The following SPATA33 variants were observed in gnomAD, a reference collection of about 807,000 sequenced individuals.
SPATA33 encodes the protein spermatogenesis-associated protein 33.
In SPATA33, 10 loss-of-function variants were observed where a neutral mutation model predicts 8.9. That is an observed-to-expected ratio of 1.12 (90% CI 0.69 to 1.90). The LOEUF (loss-of-function observed/expected upper bound fraction) is 1.90. Ranked by LOEUF, SPATA33 falls within the 40% of genes most tolerant of loss-of-function variation. SPATA33 has a pLI of 0.00. For missense variants in SPATA33, 241 were observed against 178.3 expected, an observed-to-expected ratio of 1.35 and a Z score of -2.00; for synonymous variants, 96 against 72.8, an observed-to-expected ratio of 1.32 and a Z score of -1.63.
intron 2 of SPATA33, chr16:89,660,890 C>G: frequency 9.3e-7 from 1 of 1,072,656 alleles, no homozygotes; most frequent in African/African-American, 1.7e-5. Flanking sequence ...TTTAGTGATT[C>G]CAGGCTCTGG....
intron 2 of SPATA33, among the ~76,000 whole-genome samples, chr16:89,663,807 A>G (rs1411805285): frequency 2.0e-5 from 3 of 152,128 alleles, no homozygotes; most frequent in African/African-American, 4.8e-5. Flanking sequence ...CGATAATGGT[A>G]CTATAGTTAT....
At position 89,669,916 on chromosome 16, in the gene SPATA33, CGGGGAGGGTG is replaced by C; in HGVS notation, c.*420_*429del. On this transcript the variant is annotated 3_prime_UTR_variant, in exon 3 of 3. Transcript: ENST00000579310. ...CCACCGCCCCCTTCTCCAGTGCTCT[CGGGGAGGGTG>C]CACCAGGGCTGCCCCACGCTGTAAG... 5.0e-6 allele frequency: 1 copy of C among 198,660 alleles called. No homozygotes were observed. The highest frequency in any genetic ancestry group is 8.1e-5 in the South Asian group (1 of 12,386). The allele number at this position is 198,660 out of a possible 1,614,324, so 12.3% of individuals were successfully genotyped here. A position where few individuals can be genotyped will look rare whatever the true frequency, so the allele number is the denominator to read the frequency against.
intron 2 of SPATA33, 185 bp downstream of exon 2, chr16:89,658,606 C>A: frequency 1.2e-6 from 1 of 800,818 alleles, no homozygotes; most frequent in Non-Finnish European, 1.9e-6. Flanking sequence ...TAGTTGAAAA[C>A]ATAAGTTTAA....
At position 89,658,435 on chromosome 16, in the gene SPATA33, G is replaced by C; in HGVS notation, c.211+14G>C. On this transcript the variant is annotated intron_variant, in intron 2 of 2. Coordinates refer to ENST00000579310, the MANE Select transcript of SPATA33 (RefSeq NM_001271907.2). ...CTTCGCTGGAAGGTAGGAGACGGCGGGAGGGAGCGAAGCGAGGTCAGTGGC... is the reference window on the plus strand; with the variant it reads ...CTTCGCTGGAAGGTAGGAGACGGCGCGAGGGAGCGAAGCGAGGTCAGTGGC... 1 of 1,592,022 alleles carries C rather than the reference G, an allele frequency of 6.3e-7. No individual in the cohort carries two copies. Among genetic ancestry groups the C allele is most frequent in the Non-Finnish European group, 8.5e-7 (1 of 1,170,092 alleles).
At chr16:89,660,957 G>T (rs1257944115) in intron 2 of SPATA33, 1 of 1,009,902 alleles carries the variant, frequency 9.9e-7, no homozygotes, top group African/African-American at 1.7e-5. Flanking sequence ...GCCAGCATCA[G>T]TGTCCAGCCC....
At chr16:89,667,176 A>T (rs993140031) in intron 2 of SPATA33, among the ~76,000 whole-genome samples, 2 of 152,146 alleles carry the variant, frequency 1.3e-5, no homozygotes, top group African/African-American at 2.4e-5. Context: ...CTGCTTGGCA[A>T]CGGGCGTCCT....
At chr16:89,658,104 C>T (rs1232114739) in intron 1 of SPATA33, 144 bp from the exon 2 acceptor site, 7 of 1,493,656 alleles carry the variant, frequency 4.7e-6, no homozygotes, top group Admixed American at 5.1e-5. Context: ...CGGCGCGTTT[C>T]CCGCCTGAGG....
intron 2 of SPATA33, among the ~76,000 whole-genome samples, chr16:89,661,876 G>A (rs1490591592): frequency 1.3e-5 from 2 of 152,098 alleles, no homozygotes; most frequent in Non-Finnish European, 2.9e-5. Context: ...GGTATTTGAG[G>A]ATGAGTCCGT....
At chr16:89,665,305 A>G (rs1039648417) in intron 2 of SPATA33, among the ~76,000 whole-genome samples, 8 of 142,012 alleles carry the variant, frequency 5.6e-5, no homozygotes, top group African/African-American at 2.1e-4. Context: ...CAAGATTAAT[A>G]TTTCTTTTTT....
intron 2 of SPATA33, chr16:89,660,485 A>G (rs2059952624): frequency 1.6e-6 from 2 of 1,231,986 alleles, no homozygotes; most frequent in African/African-American, 3.1e-5. Flanking sequence ...CAGCAGAGCA[A>G]GAGTGAGAAC....
chr16:89,661,195 G>T, intron 2 of SPATA33: 1 of 985,448 alleles, frequency 1.0e-6, no homozygotes, highest in Non-Finnish European at 1.2e-6. Flanking sequence ...CACTGTGGCA[G>T]CTGTTAGGAT....
intron 2 of SPATA33, chr16:89,667,975 CATT>C (rs1440581204): frequency 2.0e-5 from 3 of 152,216 alleles, no homozygotes; most frequent in Admixed American, 2.0e-4. Flanking sequence ...TGCTGTGTGT[CATT>C]ATTCACTGTT....
chr16:89,658,127 C>G, intron 1 of SPATA33, 121 bp from the exon 2 acceptor site: 1 of 1,523,108 alleles, frequency 6.6e-7, no homozygotes, highest in Non-Finnish European at 8.8e-7. Flanking sequence ...GTTACGGAAA[C>G]GCGGAGACTC....
chr16:89,667,854 C>T (rs1159214300), intron 2 of SPATA33: 1 of 152,252 alleles, frequency 6.6e-6, no homozygotes, highest in Admixed American at 6.5e-5. Flanking sequence ...CTTGGGCAGT[C>T]GAGTTGGCCT....
At chr16:89,665,254 C>T (rs527578457) in intron 2 of SPATA33, among the ~76,000 whole-genome samples, 1 of 151,796 alleles carries the variant, frequency 6.6e-6, no homozygotes, top group South Asian at 2.1e-4. Context: ...TTCAGCCTCC[C>T]AAGGTGCTGG....
intron 2 of SPATA33, among the ~76,000 whole-genome samples, chr16:89,665,256 A>C (rs1363741977): frequency 6.6e-6 from 1 of 151,528 alleles, no homozygotes; most frequent in Non-Finnish European, 1.5e-5. Flanking sequence ...CAGCCTCCCA[A>C]GGTGCTGGGA....
chr16:89,663,296 A>G (rs1186408531), intron 2 of SPATA33, among the ~76,000 whole-genome samples: 2 of 149,484 alleles, frequency 1.3e-5, no homozygotes, highest in African/African-American at 4.9e-5. Flanking sequence ...GCTCACTGCA[A>G]CCTTGGTCTC....
In SPATA33 at chr16:89,669,555, G is replaced by T. The variant is rs748607343; in HGVS notation, c.*58G>T. The T allele has an allele frequency of 1.1e-5, 17 of 1,557,774 alleles. No individual in the cohort carries two copies. Among genetic ancestry groups the T allele is most frequent in the Middle Eastern group, 2.3e-4 (1 of 4,340 alleles). ...TGCGATAGGCGTCTCGGGAACAGCC[G>T]CCTCACCCTGTGAGAAGCCGAGGCC... On this transcript the variant is annotated 3_prime_UTR_variant, in exon 3 of 3. Coordinates refer to ENST00000579310, the MANE Select transcript of SPATA33 (RefSeq NM_001271907.2).
chr16:89,658,693 A>G, intron 2 of SPATA33: 2 of 493,218 alleles, frequency 4.1e-6, no homozygotes, highest in South Asian at 2.4e-5. Context: ...CGTGTGTCTC[A>G]CCTGAGGTTC....
Sources: allele counts gnomAD v4.1 joint callset (sites outside exome capture counted in the v4.1 genomes callset), GRCh38; gene constraint gnomAD v4.1.1; transcripts MANE v1.5; gene names NCBI Gene and HGNC (gene_info 2026-07-23, HGNC 2026-07-21).